SLC4A7: variants seen among roughly 807,000 people sequenced by gnomAD.
The protein encoded by SLC4A7 is solute carrier family 4 member 7.
Under a neutral mutation model 137.6 loss-of-function variants are expected in SLC4A7, and 51 were observed. The ratio of observed to expected loss-of-function variants is 0.37; its 90% CI spans 0.30 to 0.47. SLC4A7 has a LOEUF of 0.47. Ranked by LOEUF, SLC4A7 falls within the 20% of genes least tolerant of loss-of-function variation. SLC4A7 has a pLI of 1.00. For missense variants in SLC4A7, 1,247 were observed against 1,525.4 expected, an observed-to-expected ratio of 0.82 and a Z score of 3.04; for synonymous variants, 542 against 518.6, an observed-to-expected ratio of 1.05 and a Z score of -0.61.
intron 3 of SLC4A7, among the ~76,000 whole-genome samples, chr3:27,446,690 T>C (rs531424910): frequency 1.3e-5 from 2 of 152,232 alleles, no homozygotes; most frequent in East Asian, 1.9e-4. Flanking sequence ...CTGTGATGTA[T>C]AGAACAGTTT....
intron 8 of SLC4A7, among the ~76,000 whole-genome samples, chr3:27,422,393 G>A (rs138442022): frequency 2.6e-5 from 4 of 151,910 alleles, no homozygotes; most frequent in South Asian, 2.1e-4. Context: ...TTGGCCTCCC[G>A]AGTAGCTGAG....
chr3:27,483,828 G>A (rs904686161), intron 1 of SLC4A7, among the ~76,000 whole-genome samples: 4 of 151,520 alleles, frequency 2.6e-5, no homozygotes, highest in African/African-American at 7.2e-5. Context: ...GGATGCCCGC[G>A]GCGCGCCGCC....
At chr3:27,480,260 G>A (rs539824800) in intron 1 of SLC4A7, among the ~76,000 whole-genome samples, 118 of 152,244 alleles carry the variant, frequency 7.8e-4, no homozygotes, top group African/African-American at 2.3e-3. Context: ...TTGAGGCAGG[G>A]CTTCACTCTG....
At chr3:27,464,246 G>A (rs949902602) in intron 1 of SLC4A7, among the ~76,000 whole-genome samples, 2 of 152,164 alleles carry the variant, frequency 1.3e-5, no homozygotes, top group Non-Finnish European at 2.9e-5. Context: ...GTGAGTTTGT[G>A]TTTATATGAA....
intron 7 of SLC4A7, among the ~76,000 whole-genome samples, chr3:27,425,370 T>TAAAAAA (rs56153970): frequency 7.0e-5 from 4 of 57,004 alleles, no homozygotes; most frequent in Admixed American, 2.8e-4. Flanking sequence ...AACTCCGTCC[T>TAAAAAA]AAAAAAAAAA....
Position 27,451,139 on chromosome 3 carries a change from T to C in SLC4A7, c.142+1278A>G, listed in dbSNP as rs574099312. On this transcript the variant is annotated intron_variant, in intron 2 of 25. Transcript: ENST00000454389. The stretch of plus-strand genomic sequence containing the variant: ...AGGCTCTTAAAGCCAATTTTTAGAG[T>C]TAAAAAAAAAAATCGTTTAGAGTTT... Among the ~76,000 whole-genome samples, 9 of 147,808 alleles carry C rather than the reference T, an allele frequency of 6.1e-5. No homozygotes were observed. The South Asian group carries it at 1.3e-3, about 21-fold the overall frequency.
At chr3:27,480,721 A>C (rs2059673199) in intron 1 of SLC4A7, among the ~76,000 whole-genome samples, 1 of 152,238 alleles carries the variant, frequency 6.6e-6, no homozygotes, top group Non-Finnish European at 1.5e-5. Flanking sequence ...CCACAAAAAA[A>C]AACTTCCATT....
At chr3:27,386,912 T>C (rs1200499524) in intron 22 of SLC4A7, among the ~76,000 whole-genome samples, 1 of 152,174 alleles carries the variant, frequency 6.6e-6, no homozygotes, top group African/African-American at 2.4e-5. Flanking sequence ...ATTACTTAGC[T>C]TCCAGTATAC....
At chr3:27,478,526 A>G (rs2150746979) in intron 1 of SLC4A7, among the ~76,000 whole-genome samples, 1 of 151,918 alleles carries the variant, frequency 6.6e-6, no homozygotes, top group Non-Finnish European at 1.5e-5. Flanking sequence ...AAAAAAAAAA[A>G]AAAACCCAAC....
chr3:27,457,015 T>C (rs2058450516), intron 1 of SLC4A7: 1 of 709,270 alleles, frequency 1.4e-6, no homozygotes, highest in African/African-American at 1.9e-5. Context: ...TCTAAGAATA[T>C]ATGTGGATGG....
intron 2 of SLC4A7, among the ~76,000 whole-genome samples, chr3:27,449,255 A>G (rs1159072326): frequency 6.6e-6 from 1 of 151,916 alleles, no homozygotes; most frequent in African/African-American, 2.4e-5. Context: ...TACTATGTAG[A>G]CATATATTTA....
intron 7 of SLC4A7, among the ~76,000 whole-genome samples, chr3:27,429,337 C>A: frequency 6.8e-6 from 1 of 147,338 alleles, no homozygotes; most frequent in East Asian, 1.9e-4. Flanking sequence ...TTTGCACATA[C>A]AATTTTTTTT....
At chr3:27,438,300 T>C (rs1340988777) in intron 3 of SLC4A7, among the ~76,000 whole-genome samples, 3 of 146,896 alleles carry the variant, frequency 2.0e-5, no homozygotes, top group Non-Finnish European at 4.5e-5. Context: ...AGGTCAGCAG[T>C]TGGAGACCAA....
intron 7 of SLC4A7, among the ~76,000 whole-genome samples, chr3:27,427,093 G>C (rs7646233): frequency 6.6e-6 from 1 of 151,980 alleles, no homozygotes; most frequent in East Asian, 1.9e-4. Flanking sequence ...TGACCCCCAA[G>C]GGACTTGTGA....
intron 3 of SLC4A7, among the ~76,000 whole-genome samples, chr3:27,439,075 A>C (rs2056987451): frequency 6.6e-6 from 1 of 152,222 alleles, no homozygotes. Flanking sequence ...AATATGAGAG[A>C]TGAGTTCTCA....
intron 7 of SLC4A7, among the ~76,000 whole-genome samples, chr3:27,428,592 A>G (rs1388532090): frequency 6.6e-6 from 1 of 152,200 alleles, no homozygotes; most frequent in African/African-American, 2.4e-5. Context: ...TCATAATGAT[A>G]GGAACACAAG....
chr3:27,399,309 T>C (rs2052518196), intron 16 of SLC4A7, among the ~76,000 whole-genome samples: 1 of 152,230 alleles, frequency 6.6e-6, no homozygotes, highest in African/African-American at 2.4e-5. Flanking sequence ...TCAAGACATC[T>C]GACCCATCAT....
At position 27,382,016 on chromosome 3, in the gene SLC4A7, G is replaced by A. The variant is rs566685392; in HGVS notation, c.3590+1137C>T. ...CAGGAGGTGGAAGTTGCAGTAAGCC[G>A]AGATCACACCATTCCACTCCAGCCT... On this transcript the variant is annotated intron_variant, in intron 24 of 25. Coordinates refer to ENST00000454389, the MANE Select transcript of SLC4A7 (RefSeq NM_001321103.2). 1.2e-4 allele frequency among the ~76,000 whole-genome samples: 18 copies of A among 150,758 alleles called. No homozygotes were observed. In the East Asian group the frequency reaches 2.6e-3, roughly 22 times the overall value.
chr3:27,425,901 T>G (rs2055559579), intron 7 of SLC4A7, among the ~76,000 whole-genome samples: 1 of 152,138 alleles, frequency 6.6e-6, no homozygotes, highest in Non-Finnish European at 1.5e-5. Flanking sequence ...ACTTTACTTT[T>G]TGTTTTAACT....
Sources: allele counts gnomAD v4.1 joint callset (sites outside exome capture counted in the v4.1 genomes callset), GRCh38; gene constraint gnomAD v4.1.1; transcripts MANE v1.5; gene names NCBI Gene and HGNC (gene_info 2026-07-23, HGNC 2026-07-21).